EXOC4: variants seen among roughly 807,000 people sequenced by gnomAD.
EXOC4 encodes SEC8-like 1.
In EXOC4, 71 loss-of-function variants were observed where a neutral mutation model predicts 107.2. That is an observed-to-expected ratio of 0.66 (90% CI 0.55 to 0.81). The LOEUF (loss-of-function observed/expected upper bound fraction) is 0.81. Ranked by LOEUF, EXOC4 falls within the 30% of genes least tolerant of loss-of-function variation. The pLI is 0.00. For synonymous variants in EXOC4, 456 were observed against 441.2 expected (o/e 1.03, Z -0.42); for missense variants, 1,108 against 1,189.6 (o/e 0.93, Z 1.01).
At chr7:133,457,954 G>A (rs1798501910) in intron 7 of EXOC4, among the ~76,000 whole-genome samples, 1 of 152,126 alleles carries the variant, frequency 6.6e-6, no homozygotes, top group Admixed American at 6.5e-5. Context: ...AGCAGACACC[G>A]AATTTTTCTC....
intron 5 of EXOC4, among the ~76,000 whole-genome samples, chr7:133,347,017 C>T (rs969593014): frequency 6.6e-6 from 1 of 152,006 alleles, no homozygotes; most frequent in African/African-American, 2.4e-5. Context: ...CTGATCTTGT[C>T]CCATCAAATA....
rs1794050447 is a variant in EXOC4 at position 133,278,476 on chromosome 7, C to T, written c.276+3305C>T. ...TAGCTGGGTTGGCCAGAAAGGGCTT[C>T]ACTGAGGGCCCATATGAGCCAACAC... On this transcript the variant is annotated intron_variant, in intron 2 of 17. Transcript: ENST00000253861. 2.0e-5 allele frequency among the ~76,000 whole-genome samples: 3 copies of T among 152,240 alleles called. No homozygotes were observed. In the South Asian group the frequency reaches 6.2e-4, roughly 32 times the overall value.
At chr7:133,846,603 A>G (rs972508529) in intron 11 of EXOC4, among the ~76,000 whole-genome samples, 1 of 152,256 alleles carries the variant, frequency 6.6e-6, no homozygotes, top group Admixed American at 6.5e-5. Flanking sequence ...TTCAACTAAG[A>G]TAATACGGTA....
intron 10 of EXOC4, among the ~76,000 whole-genome samples, chr7:133,693,613 C>G (rs1240911938): frequency 6.6e-6 from 1 of 152,046 alleles, no homozygotes; most frequent in Non-Finnish European, 1.5e-5. Flanking sequence ...CAAACCCAGG[C>G]AATCTGATTC....
chr7:134,063,556 A>C (rs55878406), intron 17 of EXOC4, among the ~76,000 whole-genome samples: 1 of 151,926 alleles, frequency 6.6e-6, no homozygotes, highest in East Asian at 1.9e-4. Flanking sequence ...CCCTGGGTGG[A>C]GTGAGGGGTA....
intron 10 of EXOC4, among the ~76,000 whole-genome samples, chr7:133,666,972 A>G (rs533779687): frequency 2.1e-4 from 32 of 152,206 alleles, no homozygotes; most frequent in African/African-American, 7.7e-4. Flanking sequence ...ACTTTTCCAG[A>G]TGGGTGTCTT....
chr7:133,452,235 G>A (rs889572499), intron 7 of EXOC4, among the ~76,000 whole-genome samples: 2 of 152,046 alleles, frequency 1.3e-5, no homozygotes, highest in African/African-American at 4.8e-5. Flanking sequence ...CCCTACAGCA[G>A]CATTATTAGT....
intron 14 of EXOC4, among the ~76,000 whole-genome samples, chr7:133,967,237 C>CT (rs1396324081): frequency 1.3e-5 from 2 of 151,856 alleles, no homozygotes; most frequent in South Asian, 2.1e-4. Flanking sequence ...GGCTAGCGGT[C>CT]TATCTATTTT....
intron 9 of EXOC4, among the ~76,000 whole-genome samples, chr7:133,590,526 C>G (rs533159678): frequency 1.3e-5 from 2 of 152,176 alleles, no homozygotes; most frequent in African/African-American, 4.8e-5. Flanking sequence ...CCATCCTGTA[C>G]CCATAAAAAC....
intron 12 of EXOC4, among the ~76,000 whole-genome samples, 167 bp downstream of exon 12, chr7:133,895,902 A>G (rs778351616): frequency 3.3e-5 from 5 of 152,192 alleles, no homozygotes; most frequent in Non-Finnish European, 5.9e-5. Context: ...GTGTAGTCAG[A>G]CCAACAGAGA....
In EXOC4 at chr7:134,013,611, G is replaced by A. The variant is rs949038495; in HGVS notation, c.2687+5776G>A. ...ATACTAATGTAAGATGTTAATAATA[G>A]GGAAACTGGGTACAAATTATATGTG... On this transcript the variant is annotated intron_variant, in intron 17 of 17. Coordinates refer to ENST00000253861, the MANE Select transcript of EXOC4 (RefSeq NM_021807.4). Among the ~76,000 whole-genome samples, 178 of 152,156 alleles carry A rather than the reference G, an allele frequency of 1.2e-3. 3 individuals carry two copies. Among genetic ancestry groups the A allele is most frequent in the Non-Finnish European group, 2.2e-4 (15 of 68,038 alleles).
intron 11 of EXOC4, among the ~76,000 whole-genome samples, chr7:133,842,548 C>A (rs1022395346): frequency 3.3e-5 from 5 of 152,120 alleles, no homozygotes; most frequent in African/African-American, 1.2e-4. Flanking sequence ...AGATATTAGA[C>A]CTTTGTTGAA....
intron 10 of EXOC4, among the ~76,000 whole-genome samples, chr7:133,663,695 T>C (rs1793749172): frequency 6.6e-6 from 1 of 152,052 alleles, no homozygotes; most frequent in Admixed American, 6.6e-5. Context: ...TCAGAAAATA[T>C]CCAGAATCTA....
At chr7:133,786,787 C>T (rs1449058669) in intron 10 of EXOC4, among the ~76,000 whole-genome samples, 1 of 152,220 alleles carries the variant, frequency 6.6e-6, no homozygotes, top group Non-Finnish European at 1.5e-5. Flanking sequence ...TATTAGAAGA[C>T]TTATGGTTTA....
At chr7:133,467,139 T>C (rs1411013068) in intron 7 of EXOC4, among the ~76,000 whole-genome samples, 7 of 152,150 alleles carry the variant, frequency 4.6e-5, no homozygotes, top group Non-Finnish European at 1.0e-4. Context: ...AAACCCATTT[T>C]TCATGCATTC....
chr7:133,479,814 C>T, intron 8 of EXOC4: 1 of 505,314 alleles, frequency 2.0e-6, no homozygotes, highest in Non-Finnish European at 3.6e-6. Context: ...AGTTGAAATG[C>T]AGAATAAGCA....
chr7:133,364,643 C>T (rs956729575), intron 6 of EXOC4, among the ~76,000 whole-genome samples: 4 of 152,072 alleles, frequency 2.6e-5, no homozygotes, highest in African/African-American at 9.7e-5. Context: ...GACTCTATGC[C>T]TTAGTTGATT....
At chr7:134,099,453 A>C in the EXOC4 span, among the ~76,000 whole-genome samples, 1 of 151,830 alleles carries the variant, frequency 6.6e-6, no homozygotes, top group African/African-American at 2.4e-5. Flanking sequence ...GGAGCTGAAC[A>C]AACAGGCCTT....
At chr7:133,256,232 T>C (rs935960495) in intron 1 of EXOC4, among the ~76,000 whole-genome samples, 13 of 152,196 alleles carry the variant, frequency 8.5e-5, no homozygotes, top group Non-Finnish European at 1.9e-4. Context: ...CCACCCGCCT[T>C]GGCCTCCCAA....
Sources: allele counts gnomAD v4.1 joint callset (sites outside exome capture counted in the v4.1 genomes callset), GRCh38; gene constraint gnomAD v4.1.1; transcripts MANE v1.5; gene names NCBI Gene and HGNC (gene_info 2026-07-23, HGNC 2026-07-21).